PLXNA2: variants seen among roughly 807,000 people sequenced by gnomAD.
PLXNA2 encodes plexin-A2.
Under a neutral mutation model 193.5 loss-of-function variants are expected in PLXNA2, and 91 were observed. The ratio of observed to expected loss-of-function variants is 0.47; its 90% CI spans 0.40 to 0.56. PLXNA2 has a LOEUF of 0.56. Among genes scored for constraint, PLXNA2 ranks in the 20% least tolerant of loss-of-function variants. The probability of loss-of-function intolerance (pLI) is 0.00; values close to 1 mark genes in which losing one functional copy is unlikely to be tolerated. For missense variants in PLXNA2, 1,995 were observed against 2,503.2 expected, an observed-to-expected ratio of 0.80 and a Z score of 4.33; for synonymous variants, 997 against 1,027.3, an observed-to-expected ratio of 0.97 and a Z score of 0.56.
chr1:208,079,337 G>C lies in PLXNA2; in HGVS notation c.2509C>G (p.His837Asp), dbSNP rs1230477260. Residue 837 changes from histidine to aspartate, a missense_variant, in exon 12 of 32, where the codon CAC becomes GAC. His to Asp is a moderately conservative substitution (Grantham distance 81, BLOSUM62 -1). Around this residue, in one of 3 missense-constraint regions of PLXNA2, gnomAD observed 1,291 missense variants for 1,673.6 expected, o/e 0.77. Coordinates refer to ENST00000367033, the MANE Select transcript of PLXNA2 (RefSeq NM_025179.4). ...SGERRCTLHQ[H>D]CTSPSSPWLD... is the part of the protein sequence containing the mutation. ...CAGGGGCTGGAAGGGCTGGTACAGTGCTGGTGGAGGGTGCACCTGCGCTCG... is the reference window on the plus strand; with the variant it reads ...CAGGGGCTGGAAGGGCTGGTACAGTCCTGGTGGAGGGTGCACCTGCGCTCG... 6.2e-7 allele frequency: 1 copy of C among 1,614,056 alleles called. No homozygotes were observed. Among genetic ancestry groups the C allele is most frequent in the South Asian group, 1.1e-5 (1 of 91,088 alleles).
intron 4 of PLXNA2, among the ~76,000 whole-genome samples, chr1:208,133,833 C>T (rs540576844): frequency 2.2e-4 from 34 of 152,206 alleles, no homozygotes; most frequent in Non-Finnish European, 2.6e-4. Flanking sequence ...AGATGATGGC[C>T]TAGGCAAATG....
chr1:208,032,078 G>C, intron 28 of PLXNA2: 1 of 985,364 alleles, frequency 1.0e-6, no homozygotes, highest in East Asian at 1.1e-4. Context: ...GGGTGAATGA[G>C]GGGGCACAGG....
At chr1:208,188,389 A>G (rs998226860) in intron 3 of PLXNA2, among the ~76,000 whole-genome samples, 1 of 152,210 alleles carries the variant, frequency 6.6e-6, no homozygotes, top group African/African-American at 2.4e-5. Context: ...TACTGACTCA[A>G]TAATCTCAGT....
chr1:208,235,156 C>T (rs1358883094), intron 1 of PLXNA2, among the ~76,000 whole-genome samples: 1 of 152,196 alleles, frequency 6.6e-6, no homozygotes, highest in African/African-American at 2.4e-5. Context: ...ATTCAAATTC[C>T]AATCCCACTG....
intron 3 of PLXNA2, among the ~76,000 whole-genome samples, chr1:208,170,073 C>G (rs1669442077): frequency 1.3e-5 from 2 of 152,116 alleles, no homozygotes; most frequent in Admixed American, 6.5e-5. Context: ...CTTCATTTCC[C>G]CATATGCAGA....
intron 12 of PLXNA2, among the ~76,000 whole-genome samples, chr1:208,065,809 C>T (rs1013731656): frequency 2.4e-4 from 36 of 152,260 alleles, no homozygotes; most frequent in Middle Eastern, 3.4e-3. Flanking sequence ...AGATTCAGAG[C>T]GAGACATCAT....
rs1664729782 is a variant in PLXNA2 at position 208,038,064 on chromosome 1, G to T, written c.4764+307C>A. Among the ~76,000 whole-genome samples, 1 of 152,198 alleles carries T rather than the reference G, an allele frequency of 6.6e-6. No individual in the cohort carries two copies. Among genetic ancestry groups the T allele is most frequent in the Non-Finnish European group, 1.5e-5 (1 of 68,032 alleles). On this transcript the variant is annotated intron_variant, in intron 26 of 31. Transcript: ENST00000367033. The surrounding 1 kb of genome is among the most constrained non-coding windows in gnomAD (Gnocchi z 4.1). ...GCTTTGCAATATGCATTTGATTTTT[G>T]TTGTTGTTGTTGTTTTGTTTTGTTT...
rs552884365 is a variant in PLXNA2, at chr1:208,216,647, G to A, written c.1188+88C>T. On this transcript the variant is annotated intron_variant, in intron 2 of 31. Transcript: ENST00000367033. ...TCTTTCATTTCAGGTCCATGGTGGT[G>A]TGGGAGCAGATGTGCCCCAGGGCAT... 7 of 1,448,138 alleles carry A rather than the reference G, an allele frequency of 4.8e-6. No individual in the cohort carries two copies. In the African/African-American group the frequency reaches 8.4e-5, roughly 17 times the overall value. The allele number at this position is 1,448,138 out of a possible 1,614,324, so 89.7% of individuals were successfully genotyped here.
chr1:208,029,053 A>G lies in PLXNA2; in HGVS notation c.5226-11T>C. The G allele has an allele frequency of 1.2e-6, 2 of 1,614,040 alleles. No individual in the cohort carries two copies. Among genetic ancestry groups the G allele is most frequent in the Non-Finnish European group, 1.7e-6 (2 of 1,179,932 alleles). On this transcript the variant is annotated splice_polypyrimidine_tract_variant and intron_variant, in intron 29 of 31. Coordinates refer to ENST00000367033, the MANE Select transcript of PLXNA2 (RefSeq NM_025179.4). The stretch of plus-strand genomic sequence containing the variant: ...AAGCGCAGAGGGAGGCTGTGGGGAA[A>G]GGCAGAGAAGACTTGAGAATGCATG...
intron 4 of PLXNA2, among the ~76,000 whole-genome samples, chr1:208,109,112 G>A (rs1667378232): frequency 1.3e-5 from 2 of 152,232 alleles, no homozygotes; most frequent in Admixed American, 1.3e-4. Flanking sequence ...AAGAAACAGA[G>A]GCCTTCTCAG....
Position 208,193,009 on chromosome 1 carries a change from T to C in PLXNA2, c.1371+17271A>G, listed in dbSNP as rs1051868225. On this transcript the variant is annotated intron_variant, in intron 3 of 31. Coordinates refer to ENST00000367033, the MANE Select transcript of PLXNA2 (RefSeq NM_025179.4). ...GGCCCGCTACACAAAAAACTAAATCTACAAATGTTTGTAAAACATTTTTCT... is the reference window on the plus strand; with the variant it reads ...GGCCCGCTACACAAAAAACTAAATCCACAAATGTTTGTAAAACATTTTTCT... Among the ~76,000 whole-genome samples the C allele has an allele frequency of 5.3e-5, 8 of 152,042 alleles. No homozygotes were observed. The South Asian group carries it at 8.3e-4, about 16-fold the overall frequency.
At chr1:208,079,536 A>G in intron 11 of PLXNA2, 86 bp from the exon 12 acceptor site, 1 of 1,000,902 alleles carries the variant, frequency 1.0e-6, no homozygotes, top group East Asian at 2.7e-5. Flanking sequence ...TAGAAATGAT[A>G]GAAACTCTTC....
intron 2 of PLXNA2, among the ~76,000 whole-genome samples, chr1:208,214,053 C>A (rs1024459673): frequency 6.6e-6 from 1 of 152,146 alleles, no homozygotes. Context: ...AAGCATTTAA[C>A]CCTTACGGAG....
chr1:208,138,607 G>A (rs1335358577), intron 4 of PLXNA2, among the ~76,000 whole-genome samples: 1 of 152,202 alleles, frequency 6.6e-6, no homozygotes, highest in Non-Finnish European at 1.5e-5. Flanking sequence ...TATGCTGACC[G>A]GGCGCAGTGG....
chr1:208,107,714 G>A (rs1485149856), intron 4 of PLXNA2, among the ~76,000 whole-genome samples: 1 of 152,158 alleles, frequency 6.6e-6, no homozygotes, highest in East Asian at 1.9e-4. Context: ...ATTAGCATTT[G>A]TTTACTATTA....
At chr1:208,031,874 G>A in intron 28 of PLXNA2, 115 bp from the exon 29 acceptor site, 2 of 1,268,426 alleles carry the variant, frequency 1.6e-6, no homozygotes, top group Non-Finnish European at 2.2e-6. Flanking sequence ...GGGACACGAG[G>A]CTGTGCAGGC....
chr1:208,033,969 C>T (rs1331299711), intron 27 of PLXNA2, among the ~76,000 whole-genome samples: 1 of 152,164 alleles, frequency 6.6e-6, no homozygotes, highest in Non-Finnish European at 1.5e-5. Context: ...GGGTTCAGTC[C>T]TGTGGTGCCC....
chr1:208,214,099 C>T lies in PLXNA2; in HGVS notation c.1188+2636G>A, dbSNP rs567243509. ...CCTCTCCACCTCTCCACATTGGTTA[C>T]GGCCAGTGGCCATAAAATTTTGGCG... On this transcript the variant is annotated intron_variant, in intron 2 of 31. Transcript: ENST00000367033. 8.6e-4 allele frequency among the ~76,000 whole-genome samples: 131 copies of T among 151,720 alleles called. 3 individuals are homozygous for T. The South Asian group carries it at 0.024, about 28-fold the overall frequency.
intron 3 of PLXNA2, among the ~76,000 whole-genome samples, chr1:208,178,098 T>C (rs1258640631): frequency 6.6e-6 from 1 of 150,698 alleles, no homozygotes; most frequent in African/African-American, 2.4e-5. Flanking sequence ...GCATAATAAG[T>C]GTCCATTCCT....
Sources: gnomAD v4.1 joint callset for allele counts (sites outside exome capture counted in the v4.1 genomes callset) on GRCh38, gnomAD v4.1.1 for gene constraint, gnomAD v4.1.1 regional missense constraint, Gnocchi (gnomAD v3.1) non-coding constraint, MANE v1.5 for transcripts, NCBI Gene and HGNC (gene_info 2026-07-23, HGNC 2026-07-21) for gene names.